NCOR1: variants seen among roughly 807,000 people sequenced by gnomAD.
NCOR1 encodes the protein nuclear receptor corepressor 1, also known as protein phosphatase 1, regulatory subunit 109.
NCOR1 carries 63 observed loss-of-function variants against 288.1 expected under a neutral mutation model. That is an observed-to-expected ratio of 0.22 (90% CI 0.18 to 0.27). The LOEUF (loss-of-function observed/expected upper bound fraction) is 0.27. Ranked by LOEUF, NCOR1 falls within the 10% of genes least tolerant of loss-of-function variation. The pLI, the probability that NCOR1 is intolerant of heterozygous loss-of-function variation, is 1.00. For synonymous variants in NCOR1, 1,007 were observed against 1,065.9 expected (o/e 0.94, Z 1.08); for missense variants, 2,397 against 3,019.2 (o/e 0.79, Z 4.83).
intron 21 of NCOR1, among the ~76,000 whole-genome samples, chr17:16,094,751 G>A (rs2066049059): frequency 6.6e-6 from 1 of 152,174 alleles, no homozygotes; most frequent in Non-Finnish European, 1.5e-5. Context: ...TTTTTTGGTG[G>A]AGACGGGGTT....
chr17:16,081,305 T>C (rs535115711), intron 23 of NCOR1, among the ~76,000 whole-genome samples: 1 of 147,922 alleles, frequency 6.8e-6, no homozygotes, highest in African/African-American at 2.5e-5. Flanking sequence ...CCTCCCAGTC[T>C]CAAGCAATGT....
chr17:16,202,178 T>G (rs2090906113), intron 1 of NCOR1, among the ~76,000 whole-genome samples: 1 of 145,784 alleles, frequency 6.9e-6, no homozygotes, highest in African/African-American at 2.6e-5. Flanking sequence ...GAGCAGAGAT[T>G]GCACCACTGC....
chr17:16,054,036 A>C (rs932864858), intron 40 of NCOR1, among the ~76,000 whole-genome samples: 1 of 150,962 alleles, frequency 6.6e-6, no homozygotes, highest in Non-Finnish European at 1.5e-5. Flanking sequence ...ATATATATAT[A>C]AAATTAACTC....
At chr17:16,148,085 G>A (rs1279126607) in intron 9 of NCOR1, among the ~76,000 whole-genome samples, 1 of 152,176 alleles carries the variant, frequency 6.6e-6, no homozygotes, top group Non-Finnish European at 1.5e-5. Context: ...CCAAAGTGCT[G>A]GGATTACAGG....
At chr17:16,100,941 C>G (rs1028339251) in intron 20 of NCOR1, among the ~76,000 whole-genome samples, 3 of 152,198 alleles carry the variant, frequency 2.0e-5, no homozygotes, top group Admixed American at 6.5e-5. Context: ...CTGCTGCCCT[C>G]CTCAGGCACA....
chr17:16,063,947 T>A (rs2060825463), intron 35 of NCOR1, 121 bp downstream of exon 35: 1 of 1,309,692 alleles, frequency 7.6e-7, no homozygotes. Flanking sequence ...ACTTGGGGCC[T>A]GTAATAACGT....
At chr17:16,046,501 T>C (rs2058674637) in intron 42 of NCOR1, among the ~76,000 whole-genome samples, 1 of 152,214 alleles carries the variant, frequency 6.6e-6, no homozygotes, top group Admixed American at 6.5e-5. Flanking sequence ...ATAACTGAGA[T>C]GGTAGGGGTA....
At chr17:16,209,209 T>C (rs191289681) in intron 1 of NCOR1, among the ~76,000 whole-genome samples, 1 of 152,230 alleles carries the variant, frequency 6.6e-6, no homozygotes, top group East Asian at 1.9e-4. Flanking sequence ...TAATATGTGA[T>C]CAAACCCTTG....
At chr17:16,168,286 C>T (rs76180758) in intron 4 of NCOR1, among the ~76,000 whole-genome samples, 7 of 152,198 alleles carry the variant, frequency 4.6e-5, no homozygotes, top group South Asian at 2.1e-4. Context: ...CTGCAACCAC[C>T]GCCTCCCAGG....
rs76218816 is a variant in NCOR1 at position 16,112,488 on chromosome 17, G to A, written c.2056-3576C>T. Among the ~76,000 whole-genome samples the A allele has an allele frequency of 3.0e-3, 461 of 152,174 alleles. 5 individuals are homozygous for A. Among genetic ancestry groups the A allele is most frequent in the Middle Eastern group, 0.014 (4 of 294 alleles). The stretch of plus-strand genomic sequence containing the variant: ...ACACTCTTAAAAAGTATTAAAGGCC[G>A]CAGAGAACTTTTCTTTTTTTTCTTT... On this transcript the variant is annotated intron_variant, in intron 18 of 45. Transcript: ENST00000268712.
chr17:16,102,128 C>G (rs1321619060), intron 19 of NCOR1, among the ~76,000 whole-genome samples: 1 of 152,172 alleles, frequency 6.6e-6, no homozygotes, highest in Non-Finnish European at 1.5e-5. Context: ...CTAGAAGCCT[C>G]TTCCTGTGAA....
rs1350616798 is a variant in NCOR1, at chr17:16,057,517, C to T, written c.6389G>A (p.Gly2130Glu). ...TAATTTGGAATAAAGATCATACCTT[C>T]CCCTGGATTTGTCCACAAGATTTTC... ...SPENLVDKSR[G>E]SRPGKSPERS... is the part of the protein sequence containing the mutation. The change falls in exon 40 of 46, where the codon GGA (glycine) becomes GAA (glutamate). Residue 2130 changes from glycine (G) to glutamate (E), a missense_variant. Physicochemically the swap from Gly to Glu is moderately conservative, Grantham distance 98. Around this residue, in one of 11 missense-constraint regions of NCOR1, gnomAD observed 1,872 missense variants for 2,187.8 expected, o/e 0.86. Transcript: ENST00000268712. 2 of 1,612,740 alleles carry T rather than the reference C, an allele frequency of 1.2e-6. No homozygotes were observed. The highest frequency in any genetic ancestry group is 1.7e-6 in the Non-Finnish European group (2 of 1,178,848).
At chr17:16,210,020 TA>T (rs1479706402) in intron 1 of NCOR1, among the ~76,000 whole-genome samples, 1 of 151,960 alleles carries the variant, frequency 6.6e-6, no homozygotes. Context: ...AAATCCTTCA[TA>T]CTTAAAAAAA....
chr17:16,181,203 A>ATGTGTGTGTGTG (rs2085347961), intron 3 of NCOR1, among the ~76,000 whole-genome samples: 1 of 56,468 alleles, frequency 1.8e-5, no homozygotes. Flanking sequence ...GTGTATACAT[A>ATGTGTGTGTGTG]TATATGTATG....
At chr17:16,054,147 G>A (rs1487909740) in intron 40 of NCOR1, among the ~76,000 whole-genome samples, 1 of 149,226 alleles carries the variant, frequency 6.7e-6, no homozygotes, top group Non-Finnish European at 1.5e-5. Context: ...CATAGGCAGG[G>A]ACAAAGATTT....
At position 16,057,116 on chromosome 17, in the gene NCOR1, A is replaced by AAG. The variant is rs554354785; in HGVS notation, c.6392+396_6392+397dup. Reference sequence around the variant, plus strand: ...CCCAAAGTGCTAGCATTACAGGTATAAGCCACTATGTCTGGCCAATATCAC... The same window carrying AAG: ...CCCAAAGTGCTAGCATTACAGGTATAAGAGCCACTATGTCTGGCCAATATCAC... On this transcript the variant is annotated intron_variant, in intron 40 of 45. Transcript: ENST00000268712. The AAG allele has an allele frequency of 1.3e-3, 234 of 182,252 alleles. 1 individual carries two copies. Among genetic ancestry groups the AAG allele is most frequent in the Non-Finnish European group, 2.2e-3 (187 of 86,496 alleles). The allele number at this position is 182,252 out of a possible 1,614,324, so 11.3% of individuals were successfully genotyped here. A position where few individuals can be genotyped will look rare whatever the true frequency, so the allele number is the denominator to read the frequency against.
chr17:16,147,611 T>C (rs1452300308), intron 9 of NCOR1, among the ~76,000 whole-genome samples: 2 of 152,152 alleles, frequency 1.3e-5, no homozygotes, highest in East Asian at 3.9e-4. Flanking sequence ...AACATGGTCA[T>C]CTTAAGAAAG....
intron 5 of NCOR1, 131 bp from the exon 6 acceptor site, chr17:16,159,004 G>A (rs897054424): frequency 2.0e-6 from 1 of 510,584 alleles, no homozygotes; most frequent in African/African-American, 1.9e-5. Context: ...AATCCATGAA[G>A]GTCTCATGGA....
chr17:16,145,173 T>C (rs2153330916), intron 10 of NCOR1, among the ~76,000 whole-genome samples: 1 of 152,378 alleles, frequency 6.6e-6, no homozygotes, highest in Non-Finnish European at 1.5e-5. Context: ...AGTGCCAGGA[T>C]TGCAGACGGA....
Sources: allele counts gnomAD v4.1 joint callset (sites outside exome capture counted in the v4.1 genomes callset), GRCh38; gene constraint gnomAD v4.1.1; regional missense constraint gnomAD v4.1.1; transcripts MANE v1.5; gene names NCBI Gene and HGNC (gene_info 2026-07-23, HGNC 2026-07-21).